Variants in RNF212B observed in about 807,000 individuals in gnomAD.
RNF212B encodes the protein ring finger protein 212B, also known as E3 ubiquitin-protein ligase RNF212B.
A neutral mutation model predicts 55.5 loss-of-function variants in RNF212B; 52 were observed. The ratio of observed to expected loss-of-function variants is 0.94; its 90% CI spans 0.75 to 1.18. The LOEUF is 1.18. RNF212B is among the 50% of genes most tolerant of loss of function. The pLI is 0.00. For missense variants in RNF212B, 289 were observed against 350.4 expected, an observed-to-expected ratio of 0.82 and a Z score of 1.40; for synonymous variants, 99 against 121.4, an observed-to-expected ratio of 0.82 and a Z score of 1.21.
chr14:23,187,131 G>T (rs1877674935), intron 1 of RNF212B, among the ~76,000 whole-genome samples: 1 of 152,184 alleles, frequency 6.6e-6, no homozygotes, highest in Non-Finnish European at 1.5e-5. Context: ...CACTGTTTCA[G>T]CTGTTTTGCG....
At chr14:23,231,968 G>A (rs1230580435) in intron 2 of RNF212B, among the ~76,000 whole-genome samples, 1 of 152,232 alleles carries the variant, frequency 6.6e-6, no homozygotes, top group African/African-American at 2.4e-5. Flanking sequence ...AGGCTGGAGT[G>A]CAGTGGCGTG....
At position 23,203,032 on chromosome 14, in the gene RNF212B, A is replaced by G. The variant is rs150545360; in HGVS notation, c.-2+9631A>G. Among the ~76,000 whole-genome samples the G allele has an allele frequency of 2.2e-3, 333 of 152,086 alleles. 3 individuals are homozygous for G. Among genetic ancestry groups the G allele is most frequent in the African/African-American group, 7.6e-3 (315 of 41,466 alleles). ...GGGAACAGGGAGTATTTGGTTACAT[A>G]ACTGAGTTCTTTAGTGGTGATTTGT... On this transcript the variant is annotated intron_variant, in intron 2 of 15. Transcript: ENST00000399910.
chr14:23,200,469 G>A (rs2140368181), intron 2 of RNF212B, among the ~76,000 whole-genome samples: 1 of 152,154 alleles, frequency 6.6e-6, no homozygotes, highest in South Asian at 2.1e-4. Context: ...GGGATTACAG[G>A]TGCGTGCCAC....
At position 23,241,370 on chromosome 14, in the gene RNF212B, A is replaced by G. The variant is rs146050966; in HGVS notation, c.100+925A>G. On this transcript the variant is annotated intron_variant, in intron 2 of 14. Transcript: ENST00000430154. ...TGTCGGATGATGGAAGGCTCTATAC[A>G]CTGGGCTAAAGAGCCTGAACTTCAT... 3.2e-4 allele frequency among the ~76,000 whole-genome samples: 49 copies of G among 152,222 alleles called. 1 individual carries two copies. Among genetic ancestry groups the G allele is most frequent in the Non-Finnish European group, 6.5e-4 (44 of 68,008 alleles).
chr14:23,226,001 A>T (rs532168954), intron 2 of RNF212B, among the ~76,000 whole-genome samples: 32 of 152,262 alleles, frequency 2.1e-4, no homozygotes, highest in East Asian at 1.2e-3. Flanking sequence ...AAAATTTTTT[A>T]AAAAATTAAA....
upstream of RNF212B, among the ~76,000 whole-genome samples, chr14:23,234,101 C>T (rs145712263): frequency 5.0e-4 from 76 of 152,128 alleles, no homozygotes; most frequent in South Asian, 5.4e-3. Context: ...TACGAAGGAA[C>T]ACTCAAAAAG....
chr14:23,208,776 T>TTTTTTTTTTTTTTA (rs71119003), intron 2 of RNF212B, among the ~76,000 whole-genome samples: 2 of 143,620 alleles, frequency 1.4e-5, no homozygotes, highest in African/African-American at 5.6e-5. Flanking sequence ...TTTTTTTTTT[T>TTTTTTTTTTTTTTA]GAGACGGAGT....
intron 2 of RNF212B, among the ~76,000 whole-genome samples, chr14:23,213,086 G>A (rs955754524): frequency 2.0e-5 from 3 of 152,028 alleles, no homozygotes; most frequent in African/African-American, 7.2e-5. Flanking sequence ...GCCGAGGTGG[G>A]CATATCACAA....
At chr14:23,205,190 T>C (rs1157167311) in intron 2 of RNF212B, among the ~76,000 whole-genome samples, 1 of 152,082 alleles carries the variant, frequency 6.6e-6, no homozygotes, top group Non-Finnish European at 1.5e-5. Flanking sequence ...AATCTCTTTA[T>C]TTTTATAACT....
chr14:23,241,562 T>C (rs980474777), intron 2 of RNF212B, among the ~76,000 whole-genome samples: 14 of 151,970 alleles, frequency 9.2e-5, no homozygotes, highest in African/African-American at 3.1e-4. Flanking sequence ...TAGCTGGAAT[T>C]ATAGGCATGC....
chr14:23,205,603 C>T (rs1267545163), intron 2 of RNF212B, among the ~76,000 whole-genome samples: 2 of 152,118 alleles, frequency 1.3e-5, no homozygotes, highest in Non-Finnish European at 2.9e-5. Flanking sequence ...TTGCTCTTAA[C>T]CTCCAAGCTG....
At chr14:23,268,700 G>A (rs1280982911) in intron 11 of RNF212B, among the ~76,000 whole-genome samples, 1 of 152,152 alleles carries the variant, frequency 6.6e-6, no homozygotes, top group Non-Finnish European at 1.5e-5. Flanking sequence ...GCACATGAAG[G>A]CAGTGAGGGA....
At chr14:23,228,163 T>G (rs1157672250) in intron 2 of RNF212B, among the ~76,000 whole-genome samples, 1 of 151,232 alleles carries the variant, frequency 6.6e-6, no homozygotes, top group African/African-American at 2.4e-5. Flanking sequence ...GTGGTGGAGG[T>G]GGAGATTGCG....
Position 23,272,913 on chromosome 14 carries a change from A to G in RNF212B, c.*22A>G. On this transcript the variant is annotated 3_prime_UTR_variant, in exon 15 of 15. Transcript: ENST00000430154. Reference sequence around the variant, plus strand: ...ATAGATCATCTTCAAGATCTGATCTATACATGCTGCTGAAGGATGGACTGT... The same window carrying G: ...ATAGATCATCTTCAAGATCTGATCTGTACATGCTGCTGAAGGATGGACTGT... 1 of 1,418,374 alleles carries G rather than the reference A, an allele frequency of 7.1e-7. No homozygotes were observed. The highest frequency in any genetic ancestry group is 9.6e-7 in the Non-Finnish European group (1 of 1,040,254). 87.9% of individuals were successfully genotyped at this position (1,418,374 alleles called of 1,614,324 possible).
chr14:23,252,247 C>T (rs1884469986), intron 4 of RNF212B, among the ~76,000 whole-genome samples: 1 of 151,870 alleles, frequency 6.6e-6, no homozygotes, highest in Admixed American at 6.6e-5. Flanking sequence ...TTATGAATAA[C>T]AAAAGATGCT....
At chr14:23,226,146 A>T (rs1156669577) in intron 2 of RNF212B, among the ~76,000 whole-genome samples, 1 of 151,038 alleles carries the variant, frequency 6.6e-6, no homozygotes, top group Admixed American at 6.6e-5. Context: ...AAAAATACAA[A>T]AATTAGCAGG....
At chr14:23,191,376 A>AGTCCACCTCCAT (rs1261747281) in intron 1 of RNF212B, among the ~76,000 whole-genome samples, 1 of 151,382 alleles carries the variant, frequency 6.6e-6, no homozygotes, top group Non-Finnish European at 1.5e-5. Context: ...AAAGCAAGAA[A>AGTCCACCTCCAT]GTCCACCTCC....
chr14:23,188,680 G>A (rs951629001), intron 1 of RNF212B, among the ~76,000 whole-genome samples: 4 of 152,034 alleles, frequency 2.6e-5, no homozygotes, highest in Non-Finnish European at 4.4e-5. Flanking sequence ...GCATTACCCA[G>A]GCTGATCTCA....
At chr14:23,247,445 A>G (rs1444996878) in intron 4 of RNF212B, among the ~76,000 whole-genome samples, 1 of 151,700 alleles carries the variant, frequency 6.6e-6, no homozygotes, top group African/African-American at 2.4e-5. Context: ...GCGATCACTA[A>G]TTTACTTTCT....
Sources: allele counts gnomAD v4.1 joint callset (sites outside exome capture counted in the v4.1 genomes callset), GRCh38; gene constraint gnomAD v4.1.1; transcripts MANE v1.5; gene names NCBI Gene and HGNC (gene_info 2026-07-23, HGNC 2026-07-21).